XRN1: variants seen among roughly 807,000 people sequenced by gnomAD.
XRN1 encodes the protein 5'-3' exoribonuclease 1.
In XRN1, 67 loss-of-function variants were observed where a neutral mutation model predicts 222.3. The ratio of observed to expected loss-of-function variants is 0.30; its 90% CI spans 0.25 to 0.37. The LOEUF (loss-of-function observed/expected upper bound fraction) is 0.37. Among genes scored for constraint, XRN1 ranks in the 10% least tolerant of loss-of-function variants. The pLI is 1.00. For missense variants in XRN1, 1,707 were observed against 2,000.2 expected (o/e 0.85, Z 2.80); for synonymous variants, 643 against 652.4 (o/e 0.99, Z 0.22).
At chr3:142,405,198 C>A (rs2068297196) in intron 15 of XRN1, 122 bp from the exon 16 acceptor site, 3 of 896,906 alleles carry the variant, frequency 3.3e-6, no homozygotes, top group South Asian at 1.8e-5. Context: ...AACAAAAAAC[C>A]AAAATCTTAA....
In XRN1 at chr3:142,343,821, T is replaced by C. The variant is rs149827109; in HGVS notation, c.3877+3413A>G. 6.4e-4 allele frequency among the ~76,000 whole-genome samples: 98 copies of C among 152,234 alleles called. 1 individual carries two copies. In the East Asian group the frequency reaches 0.016, roughly 25 times the overall value. ...CAGCACTGTTCACAACAGCTAAGAT[T>C]TGGAAACAACCTAAGTGTCCATCAA... On this transcript the variant is annotated intron_variant, in intron 33 of 40. Coordinates refer to ENST00000392981, the MANE Select transcript of XRN1 (RefSeq NM_001282857.2).
At chr3:142,429,149 T>C (rs960774910) in intron 2 of XRN1, among the ~76,000 whole-genome samples, 6 of 147,960 alleles carry the variant, frequency 4.1e-5, no homozygotes, top group Non-Finnish European at 7.5e-5. Context: ...ATAATCTTTT[T>C]TTTTTTTTTT....
intron 33 of XRN1, among the ~76,000 whole-genome samples, chr3:142,344,492 C>T (rs777235041): frequency 1.6e-4 from 24 of 152,104 alleles, no homozygotes; most frequent in Non-Finnish European, 2.9e-4. Context: ...AAATAAAAGG[C>T]ATTGAGATTA....
chr3:142,413,150 C>T (rs2068652110), intron 14 of XRN1, among the ~76,000 whole-genome samples: 1 of 152,090 alleles, frequency 6.6e-6, no homozygotes, highest in Admixed American at 6.6e-5. Flanking sequence ...ATCACTGCAC[C>T]ACTAATATCA....
chr3:142,420,946 T>G, intron 10 of XRN1, 70 bp downstream of exon 10: 81 of 1,585,150 alleles, frequency 5.1e-5, no homozygotes, highest in Non-Finnish European at 6.6e-5. Context: ...AGAAGGAAAA[T>G]GAGAAACAAA....
Position 142,312,893 on chromosome 3 carries a change from A to G in XRN1, c.4622-135T>C, listed in dbSNP as rs2065115056. Reference sequence around the variant, plus strand: ...CAAAAGGCCTACACTTACTTCACCTATAATTACTCTTCCTTACAACATTCA... The same window carrying G: ...CAAAAGGCCTACACTTACTTCACCTGTAATTACTCTTCCTTACAACATTCA... On this transcript the variant is annotated intron_variant, in intron 39 of 40. Coordinates refer to ENST00000392981, the MANE Select transcript of XRN1 (RefSeq NM_001282857.2). 4 of 961,886 alleles carry G rather than the reference A, an allele frequency of 4.2e-6. No individual in the cohort carries two copies. The South Asian group carries it at 5.3e-5, about 13-fold the overall frequency. The allele number at this position is 961,886 out of a possible 1,614,324, so 59.6% of individuals were successfully genotyped here.
chr3:142,447,821 G>T lies in XRN1; in HGVS notation c.75+49C>A. The T allele has an allele frequency of 6.2e-7, 1 of 1,604,878 alleles. No homozygotes were observed. The highest frequency in any genetic ancestry group is 8.5e-7 in the Non-Finnish European group (1 of 1,174,548). ...CCAGCTCTAAGGTGGAGAGGGCCGC[G>T]GAGCCCCGGGTCCTCGGCTTTCTGA... On this transcript the variant is annotated intron_variant, in intron 1 of 40. Transcript: ENST00000392981. The surrounding 1 kb of genome is among the most constrained non-coding windows in gnomAD (Gnocchi z 4.2).
rs979500113 is a variant in XRN1, at chr3:142,447,261, C to A, written c.75+609G>T. On this transcript the variant is annotated intron_variant, in intron 1 of 40. Coordinates refer to ENST00000392981, the MANE Select transcript of XRN1 (RefSeq NM_001282857.2). This position sits in a 1 kb window ranked among gnomAD's most constrained non-coding sequence, Gnocchi z 4.2. The stretch of plus-strand genomic sequence containing the variant: ...ATAAAAGGTCCTACGCCCCACTCCC[C>A]AGCTGGCCCAAGAGTTTTTTGTTTT... Among the ~76,000 whole-genome samples, 1 of 152,150 alleles carries A rather than the reference C, an allele frequency of 6.6e-6. No individual in the cohort carries two copies. Among genetic ancestry groups the A allele is most frequent in the Non-Finnish European group, 1.5e-5 (1 of 68,030 alleles).
intron 1 of XRN1, among the ~76,000 whole-genome samples, chr3:142,444,515 A>ATT (rs1376518341): frequency 1.3e-5 from 2 of 152,176 alleles, no homozygotes; most frequent in Admixed American, 6.5e-5. Flanking sequence ...TGGCTAAGGC[A>ATT]CAAGACTTGC....
At chr3:142,382,301 CA>C (rs1269496065) in intron 22 of XRN1, among the ~76,000 whole-genome samples, 1 of 152,066 alleles carries the variant, frequency 6.6e-6, no homozygotes, top group Admixed American at 6.6e-5. Context: ...AATGGTTGCA[CA>C]ATGGTTTTTC....
chr3:142,439,278 G>T (rs199808359), intron 1 of XRN1, among the ~76,000 whole-genome samples: 217 of 137,826 alleles, frequency 1.6e-3, no homozygotes, highest in Middle Eastern at 3.7e-3. Flanking sequence ...GGCAATCTCT[G>T]GTATCTCAGT....
In XRN1 at chr3:142,423,626, G is replaced by C. The variant is rs753992966; in HGVS notation, c.644C>G (p.Thr215Arg). 1 of 1,591,586 alleles carries C rather than the reference G, an allele frequency of 6.3e-7. No homozygotes were observed. Among genetic ancestry groups the C allele is most frequent in the Non-Finnish European group, 8.5e-7 (1 of 1,171,602 alleles). The change falls in exon 6 of 41, where the codon ACA becomes AGA. Residue 215 changes from threonine to arginine, a missense_variant. Physicochemically the swap from Thr to Arg is moderately conservative, Grantham distance 71 (BLOSUM62 -1). Around this residue, in one of 2 missense-constraint regions of XRN1, gnomAD observed 1,234 missense variants for 1,518.2 expected, o/e 0.81. Transcript: ENST00000392981. ...LDADLIMLGL[T>R]SHEAHFSLLR... ...GAGAGAAAAATGTGCCTCATGACTT[G>C]TTAATCCAAGCATAATCTGTTGAAA...
intron 37 of XRN1, among the ~76,000 whole-genome samples, chr3:142,326,087 G>C (rs992639436): frequency 6.6e-5 from 10 of 151,570 alleles, no homozygotes; most frequent in African/African-American, 1.9e-4. Context: ...AATGCCTCCA[G>C]CTTTGTTCAC....
intron 37 of XRN1, among the ~76,000 whole-genome samples, chr3:142,327,352 C>T (rs2065546687): frequency 6.6e-6 from 1 of 150,746 alleles, no homozygotes; most frequent in Non-Finnish European, 1.5e-5. Flanking sequence ...TCTCGGAATT[C>T]ATCCATTTCT....
chr3:142,403,925 C>A lies in XRN1; in HGVS notation c.1948G>T (p.Asp650Tyr). 6.2e-7 allele frequency: 1 copy of A among 1,612,344 alleles called. No individual in the cohort carries two copies. The highest frequency in any genetic ancestry group is 1.1e-5 in the South Asian group (1 of 90,936). ...CCACAGAAATATAATGCTTTCTGGT[C>A]AATTCTGGTTATTTTGTTTTTGTTT... ...DINKNKITRI[D>Y]QKALYFCGFP... Residue 650 changes from aspartate to tyrosine, a missense_variant, in exon 17 of 41, where the codon GAC becomes TAC. By Grantham distance (160) the Asp-to-Tyr change is radical. Transcript: ENST00000392981.
chr3:142,447,866 C>G lies in XRN1; in HGVS notation c.75+4G>C. ...TTCTGAGCCGTTGCCCCTCGCTCACCCACCTGATGCTCTTTCACCACTTCG... is the reference window on the plus strand; with the variant it reads ...TTCTGAGCCGTTGCCCCTCGCTCACGCACCTGATGCTCTTTCACCACTTCG... On this transcript the variant is annotated splice_donor_region_variant and intron_variant, in intron 1 of 40. Coordinates refer to ENST00000392981, the MANE Select transcript of XRN1 (RefSeq NM_001282857.2). The surrounding 1 kb of genome is among the most constrained non-coding windows in gnomAD (Gnocchi z 4.2). 6.2e-7 allele frequency: 1 copy of G among 1,613,282 alleles called. No homozygotes were observed. Among genetic ancestry groups the G allele is most frequent in the South Asian group, 1.1e-5 (1 of 91,020 alleles).
chr3:142,438,083 T>C (rs564124673), intron 1 of XRN1, among the ~76,000 whole-genome samples: 156 of 152,338 alleles, frequency 1.0e-3, no homozygotes, highest in Non-Finnish European at 1.8e-3. Context: ...GGAACCCTCA[T>C]ACACTGTTGG....
intron 32 of XRN1, among the ~76,000 whole-genome samples, chr3:142,354,532 C>T (rs1018712697): frequency 7.4e-4 from 113 of 152,182 alleles, no homozygotes; most frequent in African/African-American, 2.5e-3. Context: ...AATCTAAGTG[C>T]TTATCAATGG....
In XRN1 at chr3:142,422,622, A is replaced by G; in HGVS notation, c.927T>C (p.Leu309=). 1 of 1,613,700 alleles carries G rather than the reference A, an allele frequency of 6.2e-7. No individual in the cohort carries two copies. Among genetic ancestry groups the G allele is most frequent in the Non-Finnish European group, 8.5e-7 (1 of 1,179,806 alleles). The change falls in exon 8 of 41, where the codon CTT becomes CTC. Residue 309 remains leucine (L), a synonymous_variant. Transcript: ENST00000392981. ...GGATGGTAACATATGTTCCATAAAG[A>G]AGAGGCAGTGCATCATGATTAATAT... The part of the protein sequence containing the change: ...HLHINHDALP[L]LYGTYVTILP...
Sources: gnomAD v4.1 joint callset for allele counts (sites outside exome capture counted in the v4.1 genomes callset) on GRCh38, gnomAD v4.1.1 for gene constraint, gnomAD v4.1.1 regional missense constraint, Gnocchi (gnomAD v3.1) non-coding constraint, MANE v1.5 for transcripts, NCBI Gene and HGNC (gene_info 2026-07-23, HGNC 2026-07-21) for gene names.